Variants in WWOX observed in about 807,000 individuals in gnomAD.
WWOX encodes WW domain-containing oxidoreductase.
Under a neutral mutation model 46.2 loss-of-function variants are expected in WWOX, and 69 were observed. The ratio of observed to expected loss-of-function variants is 1.49; its 90% CI spans 1.23 to 1.82. WWOX has a LOEUF of 1.82. Ranked by LOEUF, WWOX falls within the 40% of genes most tolerant of loss-of-function variation. The probability of loss-of-function intolerance (pLI) is 0.00; values close to 1 mark genes in which losing one functional copy is unlikely to be tolerated. For missense variants in WWOX, 919 were observed against 542.6 expected (o/e 1.69, Z -6.89); for synonymous variants, 359 against 202.6 (o/e 1.77, Z -6.56).
chr16:78,873,903 G>A (rs1316492308), intron 8 of WWOX, among the ~76,000 whole-genome samples: 3 of 152,128 alleles, frequency 2.0e-5, no homozygotes, highest in African/African-American at 7.2e-5. Flanking sequence ...TCAGGTCCTA[G>A]TGTCTCTGAA....
chr16:78,980,680 A>G (rs909128179), intron 8 of WWOX, among the ~76,000 whole-genome samples: 18 of 152,306 alleles, frequency 1.2e-4, no homozygotes, highest in Admixed American at 8.5e-4. Flanking sequence ...TCAAATCACA[A>G]TCAGAACTTT....
chr16:78,493,633 C>G (rs1450320588), intron 8 of WWOX, among the ~76,000 whole-genome samples: 2 of 152,116 alleles, frequency 1.3e-5, no homozygotes, highest in Non-Finnish European at 2.9e-5. Context: ...TAATATGTAT[C>G]TAGTACTTGC....
intron 8 of WWOX, among the ~76,000 whole-genome samples, chr16:78,459,479 T>A (rs2151421616): frequency 6.6e-6 from 1 of 152,330 alleles, no homozygotes; most frequent in Non-Finnish European, 1.5e-5. Context: ...ACTATCAAGG[T>A]CATGCGGTAT....
At chr16:78,322,966 A>G (rs1047071365) in intron 5 of WWOX, among the ~76,000 whole-genome samples, 1 of 152,208 alleles carries the variant, frequency 6.6e-6, no homozygotes, top group Admixed American at 6.5e-5. Flanking sequence ...CAAGCCCTAC[A>G]AACACTGGCA....
chr16:78,579,043 G>A (rs1475082638), intron 8 of WWOX, among the ~76,000 whole-genome samples: 4 of 152,080 alleles, frequency 2.6e-5, no homozygotes, highest in East Asian at 1.9e-4. Context: ...TGCCCTTTTC[G>A]TAGGTTTTTG....
intron 5 of WWOX, among the ~76,000 whole-genome samples, chr16:78,183,504 T>C (rs964674185): frequency 2.0e-5 from 3 of 152,202 alleles, no homozygotes; most frequent in African/African-American, 7.2e-5. Context: ...TGTAGCAGTG[T>C]TGTGGATCTC....
chr16:78,351,620 A>T (rs921557310), intron 5 of WWOX, among the ~76,000 whole-genome samples: 6 of 152,140 alleles, frequency 3.9e-5, no homozygotes, highest in African/African-American at 1.4e-4. Context: ...TATATTGCAC[A>T]TAGCTCCTGA....
At chr16:78,737,435 C>T (rs147506611) in intron 8 of WWOX, among the ~76,000 whole-genome samples, 1 of 151,918 alleles carries the variant, frequency 6.6e-6, no homozygotes, top group Non-Finnish European at 1.5e-5. Flanking sequence ...CAATGCCCAG[C>T]CTTATATATG....
At chr16:78,778,309 G>C (rs1450308770) in intron 8 of WWOX, among the ~76,000 whole-genome samples, 1 of 152,170 alleles carries the variant, frequency 6.6e-6, no homozygotes, top group Non-Finnish European at 1.5e-5. Flanking sequence ...TACGCCGCCA[G>C]CAGTCCACGC....
At chr16:78,184,817 T>C (rs2035645293) in intron 5 of WWOX, among the ~76,000 whole-genome samples, 1 of 152,212 alleles carries the variant, frequency 6.6e-6, no homozygotes, top group Non-Finnish European at 1.5e-5. Context: ...TGATGTCACA[T>C]GTACAGGATC....
chr16:78,690,783 A>G (rs973458289), intron 8 of WWOX, among the ~76,000 whole-genome samples: 2 of 152,194 alleles, frequency 1.3e-5, no homozygotes, highest in Non-Finnish European at 2.9e-5. Context: ...CAGTGATTCT[A>G]TATAAACCGT....
intron 8 of WWOX, among the ~76,000 whole-genome samples, chr16:78,768,526 G>A (rs181122670): frequency 6.6e-6 from 1 of 151,700 alleles, no homozygotes; most frequent in Non-Finnish European, 1.5e-5. Flanking sequence ...GGAGGCAAAG[G>A]TTGCAGTGAG....
At chr16:78,716,623 A>G (rs752302697) in intron 8 of WWOX, among the ~76,000 whole-genome samples, 2 of 151,712 alleles carry the variant, frequency 1.3e-5, no homozygotes, top group East Asian at 1.9e-4. Context: ...CCTCATCTCT[A>G]TAGGTTCTGT....
At chr16:78,205,229 G>T (rs534723846) in intron 5 of WWOX, among the ~76,000 whole-genome samples, 1 of 152,226 alleles carries the variant, frequency 6.6e-6, no homozygotes, top group Admixed American at 6.5e-5. Context: ...GGAAGACTTT[G>T]TGGAAGAGTT....
At chr16:78,596,182 T>A (rs976952452) in intron 8 of WWOX, among the ~76,000 whole-genome samples, 52 of 152,226 alleles carry the variant, frequency 3.4e-4, no homozygotes, top group African/African-American at 1.2e-3. Context: ...TTGAGTGATA[T>A]CAACAAAACA....
chr16:78,367,190 A>G (rs1260787128), intron 5 of WWOX, among the ~76,000 whole-genome samples: 5 of 151,954 alleles, frequency 3.3e-5, no homozygotes, highest in Non-Finnish European at 7.4e-5. Context: ...CATGTTAGCC[A>G]CTTTGGTCTC....
chr16:78,679,237 C>A (rs1049538244), intron 8 of WWOX, among the ~76,000 whole-genome samples: 2 of 152,032 alleles, frequency 1.3e-5, no homozygotes, highest in South Asian at 4.1e-4. Context: ...ACCATGATGG[C>A]GTTGAGGTAG....
In WWOX at chr16:78,708,531, TCTGTTG is replaced by T. The variant is rs2048373253; in HGVS notation, c.1056+275782_1056+275787del. On this transcript the variant is annotated intron_variant, in intron 8 of 8. Coordinates refer to ENST00000566780, the MANE Select transcript of WWOX (RefSeq NM_016373.4). ...ACCATCTGCTGAAAGCTTTGCATAC[TCTGTTG>T]CTTATCATGACAACTGCCCTGAAAG... Among the ~76,000 whole-genome samples, 3 of 152,164 alleles carry T rather than the reference TCTGTTG, an allele frequency of 2.0e-5. No homozygotes were observed. The South Asian group carries it at 6.2e-4, about 32-fold the overall frequency.
chr16:79,099,506 C>T (rs1437029351), intron 8 of WWOX, among the ~76,000 whole-genome samples: 2 of 151,730 alleles, frequency 1.3e-5, no homozygotes, highest in East Asian at 3.9e-4. Context: ...GGATACACAA[C>T]TATGCTGGCC....
Sources: gnomAD v4.1 joint callset for allele counts (sites outside exome capture counted in the v4.1 genomes callset) on GRCh38, gnomAD v4.1.1 for gene constraint, MANE v1.5 for transcripts, NCBI Gene and HGNC (gene_info 2026-07-23, HGNC 2026-07-21) for gene names.